Variants in RNF150 observed in about 807,000 individuals in gnomAD.
RNF150 encodes the protein ring finger protein 150.
Under a neutral mutation model 39.3 loss-of-function variants are expected in RNF150, and 24 were observed. The ratio of observed to expected loss-of-function variants is 0.61; its 90% CI spans 0.44 to 0.86. The LOEUF (loss-of-function observed/expected upper bound fraction) is 0.86, where lower values mean the gene tolerates loss of function less well. Among genes scored for constraint, RNF150 ranks in the 40% least tolerant of loss-of-function variants. The pLI, the probability that RNF150 is intolerant of heterozygous loss-of-function variation, is 0.00. For synonymous variants in RNF150, 255 were observed against 227.3 expected (o/e 1.12, Z -1.10); for missense variants, 502 against 587.8 (o/e 0.85, Z 1.51).
intron 1 of RNF150, among the ~76,000 whole-genome samples, chr4:141,192,676 T>A (rs1002123024): frequency 6.6e-6 from 1 of 152,174 alleles, no homozygotes; most frequent in African/African-American, 2.4e-5. Flanking sequence ...TGTGCCTTCA[T>A]ATCCCGCACA....
chr4:141,156,498 C>A (rs1239509444), intron 1 of RNF150, among the ~76,000 whole-genome samples: 1 of 152,028 alleles, frequency 6.6e-6, no homozygotes, highest in Non-Finnish European at 1.5e-5. Context: ...CCAGGCTGGT[C>A]TTGAATGACC....
intron 1 of RNF150, among the ~76,000 whole-genome samples, chr4:140,988,466 A>C (rs1178886523): frequency 6.6e-6 from 1 of 152,122 alleles, no homozygotes; most frequent in Non-Finnish European, 1.5e-5. Flanking sequence ...ATGCAGTTGT[A>C]TTGTGAAAAT....
At chr4:141,106,517 G>T (rs115265464) in intron 1 of RNF150, among the ~76,000 whole-genome samples, 1 of 152,246 alleles carries the variant, frequency 6.6e-6, no homozygotes, top group African/African-American at 2.4e-5. Flanking sequence ...TTCCGGCCAG[G>T]CATGGTGGCT....
At chr4:141,097,548 A>G (rs1471324452) in intron 1 of RNF150, among the ~76,000 whole-genome samples, 1 of 151,994 alleles carries the variant, frequency 6.6e-6, no homozygotes, top group Non-Finnish European at 1.5e-5. Flanking sequence ...CTTAAAATTT[A>G]TGGTAATTTT....
At chr4:140,881,416 A>C (rs976325805) in intron 6 of RNF150, among the ~76,000 whole-genome samples, 1 of 152,136 alleles carries the variant, frequency 6.6e-6, no homozygotes. Context: ...CATCTGCCTC[A>C]GCCTCCCAAT....
At chr4:141,186,627 G>C (rs533913873) in intron 1 of RNF150, among the ~76,000 whole-genome samples, 3 of 151,322 alleles carry the variant, frequency 2.0e-5, no homozygotes, top group Non-Finnish European at 4.4e-5. Context: ...GGATGGTCTC[G>C]ATCTCCTGAC....
At chr4:141,135,230 T>C (rs537186673), upstream of RNF150, among the ~76,000 whole-genome samples, 3 of 152,372 alleles carry the variant, frequency 2.0e-5, no homozygotes, top group East Asian at 1.9e-4. Context: ...ACTATATGTA[T>C]ATATATTTAT....
At chr4:140,937,707 G>T (rs1731912452) in intron 4 of RNF150, among the ~76,000 whole-genome samples, 1 of 151,282 alleles carries the variant, frequency 6.6e-6, no homozygotes, top group Non-Finnish European at 1.5e-5. Context: ...AATTAATTAT[G>T]CCAGCATTAA....
At chr4:140,971,288 TA>T (rs145292708) in intron 1 of RNF150, among the ~76,000 whole-genome samples, 2,649 of 151,984 alleles carry the variant, frequency 0.017, 70 homozygotes, top group African/African-American at 0.06. Flanking sequence ...GGGGTGGGGC[TA>T]GGGGGAGTGG....
At chr4:141,155,252 A>ATTTTTTTTTT (rs70946798) in intron 1 of RNF150, among the ~76,000 whole-genome samples, 6 of 126,382 alleles carry the variant, frequency 4.7e-5, no homozygotes, top group Non-Finnish European at 8.1e-5. Context: ...CACCCGGCTG[A>ATTTTTTTTTT]TTTTTTTTTT....
At chr4:141,003,385 A>G (rs538248253) in intron 1 of RNF150, among the ~76,000 whole-genome samples, 1 of 152,324 alleles carries the variant, frequency 6.6e-6, no homozygotes, top group South Asian at 2.1e-4. Context: ...ACCCTTGCAC[A>G]CAACTTCAGA....
At chr4:141,177,751 C>A (rs1727837437) in intron 1 of RNF150, among the ~76,000 whole-genome samples, 1 of 152,130 alleles carries the variant, frequency 6.6e-6, no homozygotes, top group South Asian at 2.1e-4. Context: ...GGTCCTTTAT[C>A]ATCTTAACTG....
chr4:141,183,290 G>C (rs1214755783), intron 1 of RNF150, among the ~76,000 whole-genome samples: 1 of 151,958 alleles, frequency 6.6e-6, no homozygotes, highest in Non-Finnish European at 1.5e-5. Context: ...TGACTCAGTA[G>C]GTATGGTAGG....
At chr4:141,167,766 T>G (rs1374176903) in intron 1 of RNF150, among the ~76,000 whole-genome samples, 1 of 152,162 alleles carries the variant, frequency 6.6e-6, no homozygotes, top group Non-Finnish European at 1.5e-5. Flanking sequence ...CTGAACTCCT[T>G]CTTTACACCT....
rs887997043 is a variant in RNF150 at position 140,992,789 on chromosome 4, C to T, written c.485-24916G>A. Among the ~76,000 whole-genome samples the T allele has an allele frequency of 2.1e-4, 32 of 152,118 alleles. 1 individual carries two copies. Among genetic ancestry groups the T allele is most frequent in the Admixed American group, 1.7e-3 (26 of 15,254 alleles). ...CAACTGTGAAGTTGGCCATCCTAGACGGAGAGGATATCTGCTGCTTCCTGG... is the reference window on the plus strand; with the variant it reads ...CAACTGTGAAGTTGGCCATCCTAGATGGAGAGGATATCTGCTGCTTCCTGG... On this transcript the variant is annotated intron_variant, in intron 1 of 6. Coordinates refer to ENST00000515673, the MANE Select transcript of RNF150 (RefSeq NM_020724.2).
At position 141,027,912 on chromosome 4, in the gene RNF150, GTTTTTTTTTTTTTGTT is replaced by G. The variant is rs1257469629; in HGVS notation, c.485-60055_485-60040del. ...TAGATAGTTAATGAGCTTGGAATTT[GTTTTTTTTTTTTTGTT>G]TTTTTTTTTTTTTTTTTTTTTTTTC... On this transcript the variant is annotated intron_variant, in intron 1 of 6. Coordinates refer to ENST00000515673, the MANE Select transcript of RNF150 (RefSeq NM_020724.2). 2.7e-3 allele frequency among the ~76,000 whole-genome samples: 74 copies of G among 27,086 alleles called. 2 individuals are homozygous for G. Among genetic ancestry groups the G allele is most frequent in the African/African-American group, 7.3e-3 (68 of 9,258 alleles). The allele number at this position is 27,086 out of a possible 152,430, so 17.8% of individuals were successfully genotyped here. A position where few individuals can be genotyped will look rare whatever the true frequency, so the allele number is the denominator to read the frequency against.
At chr4:141,195,663 G>T (rs1578791760) in intron 1 of RNF150, among the ~76,000 whole-genome samples, 1 of 152,150 alleles carries the variant, frequency 6.6e-6, no homozygotes, top group East Asian at 1.9e-4. Flanking sequence ...TGGTAGAAAG[G>T]TTAAGTCAAT....
chr4:140,922,708 G>A (rs1731209223), intron 5 of RNF150, among the ~76,000 whole-genome samples: 1 of 152,080 alleles, frequency 6.6e-6, no homozygotes, highest in Non-Finnish European at 1.5e-5. Context: ...CATGCTACCT[G>A]ACTTCAAACT....
intron 4 of RNF150, among the ~76,000 whole-genome samples, chr4:140,946,207 C>T (rs1732304105): frequency 6.6e-6 from 1 of 152,200 alleles, no homozygotes; most frequent in Non-Finnish European, 1.5e-5. Context: ...TCCCTAATGC[C>T]TATTTTCCTA....
Sources: allele counts gnomAD v4.1 joint callset (sites outside exome capture counted in the v4.1 genomes callset), GRCh38; gene constraint gnomAD v4.1.1; transcripts MANE v1.5; gene names NCBI Gene and HGNC (gene_info 2026-07-23, HGNC 2026-07-21).